CFP: variants seen among roughly 807,000 people sequenced by gnomAD.
CFP encodes properdin.
Under a neutral mutation model 42.1 loss-of-function variants are expected in CFP, and 14 were observed. The ratio of observed to expected loss-of-function variants is 0.33; its 90% CI spans 0.22 to 0.52. The LOEUF (loss-of-function observed/expected upper bound fraction) is 0.52. CFP is among the 20% of genes least tolerant of loss of function. The probability of loss-of-function intolerance (pLI) is 0.96; values close to 1 mark genes in which losing one functional copy is unlikely to be tolerated. For synonymous variants in CFP, 149 were observed against 160.6 expected, an observed-to-expected ratio of 0.93 and a Z score of 0.54; for missense variants, 318 against 400.4, an observed-to-expected ratio of 0.79 and a Z score of 1.76.
In CFP at chrX:47,624,328, G is replaced by A; in HGVS notation, c.1357C>T (p.Arg453Ter). The A allele has an allele frequency of 8.3e-7, 1 of 1,210,432 alleles. No homozygotes were observed. The highest frequency in any genetic ancestry group is 1.1e-6 in the Non-Finnish European group (1 of 895,091). The change falls in exon 9 of 9, where the codon CGA (arginine) becomes TGA (stop). Residue 453 changes from arginine to a stop codon, truncating the protein, a stop_gained. Transcript: ENST00000396992. LOFTEE classifies it high-confidence loss of function. ...QGQKLVVEEK[R>*]PCLHVPACKD... ...CAAGCAGGCACGTGTAGACATGGTC[G>A]TTTCTCCTCCACCACCAGCTTCTGC...
chrX:47,627,317 G>A lies in CFP; in HGVS notation c.590C>T (p.Ala197Val). 1 of 1,197,741 alleles carries A rather than the reference G, an allele frequency of 8.3e-7. No individual in the cohort carries two copies. The highest frequency in any genetic ancestry group is 1.1e-6 in the Non-Finnish European group (1 of 887,023). Residue 197 changes from alanine (A) to valine (V), a missense_variant, in exon 5 of 9, where the codon GCC (alanine) becomes GTC (valine). Transcript: ENST00000396992. ...GCAGGGGGTCCAGGGGCCCCAGGTG[G>A]CCCAGGCCCCGTGTGCTGTGGTGGG... ...QQVCPTHGAW[A>V]TWGPWTPCSA...
rs970674691 is a variant in CFP at position 47,627,250 on chromosome X, T to A, written c.657A>T (p.Thr219=). The A allele has an allele frequency of 1.7e-6, 2 of 1,209,872 alleles. No homozygotes were observed. The highest frequency in any genetic ancestry group is 1.1e-6 in the Non-Finnish European group (1 of 894,785). Residue 219 remains threonine, a synonymous_variant, in exon 5 of 9, where the codon ACA becomes ACT. Coordinates refer to ENST00000396992, the MANE Select transcript of CFP (RefSeq NM_001145252.3). ...CHGGPHEPKE[T]RSRKCSAPEP... The stretch of plus-strand genomic sequence containing the variant: ...CAGGTGCAGAACACTTGCGGCTTCG[T>A]GTCTCCTTAGGTTCGTGGGGTCCAC...
rs1013228436 is a variant in CFP, at chrX:47,624,427, T to A, written c.1258A>T (p.Met420Leu). Reference sequence around the variant, plus strand: ...TTCTTCTCGCCCTGACCTTCGACCATGGAAACGGTGGGCCTGAGGCATTAG... The same window carrying A: ...TTCTTCTCGCCCTGACCTTCGACCAAGGAAACGGTGGGCCTGAGGCATTAG... ...LLPKYPPTVS[M>L]VEGQGEKNVT... The change falls in exon 9 of 9, where the codon ATG becomes TTG. Residue 420 changes from methionine (M) to leucine (L), a missense_variant. Transcript: ENST00000396992. The A allele has an allele frequency of 2.5e-6, 3 of 1,208,293 alleles. No homozygotes were observed. The highest frequency in any genetic ancestry group is 3.4e-6 in the Non-Finnish European group (3 of 894,172).
In CFP at chrX:47,629,663, C is replaced by T. The variant is rs138456565; in HGVS notation, c.88G>A (p.Val30Met). ...TCTTCATACTGGGTGAAGCAGAGCA[C>T]GGGGTCTGAGCCTGTAACAGGGCCA... ...LTLPATGSDP[V>M]LCFTQYEESS... Residue 30 changes from valine to methionine, a missense_variant, in exon 2 of 9, where the codon GTG (valine) becomes ATG (methionine). By Grantham distance (21) the Val-to-Met change is conservative (BLOSUM62 1). Transcript: ENST00000396992. The T allele has an allele frequency of 3.3e-4, 170 of 520,037 alleles. No individual in the cohort carries two copies. Among genetic ancestry groups the T allele is most frequent in the Middle Eastern group, 2.6e-3 (6 of 2,265 alleles). The allele number at this position is 520,037 out of a possible 1,213,427, so 42.9% of individuals were successfully genotyped here.
intron 8 of CFP, chrX:47,624,715 G>A (rs1444461553): frequency 7.7e-6 from 2 of 261,389 alleles, no homozygotes; most frequent in Non-Finnish European, 1.3e-5. Context: ...GAGCCACTGT[G>A]CCTGGCCTCC....
chrX:47,628,427 C>T, intron 2 of CFP, 150 bp from the exon 3 acceptor site: 1 of 565,320 alleles, frequency 1.8e-6, no homozygotes, highest in Non-Finnish European at 3.0e-6. Context: ...TATTGGGATA[C>T]TGATGGGAAG....
At chrX:47,629,486 T>TGCCGGCCCCCCCCCCCCCC in intron 2 of CFP, 38 bp downstream of exon 2, 1 of 669,645 alleles carries the variant, frequency 1.5e-6, no homozygotes, top group South Asian at 2.4e-5. Flanking sequence ...AGACAGTCCT[T>TGCCGGCCCCCCCCCCCCCC]CCCTCCCCCC....
At chrX:47,630,055 T>G, upstream of CFP, 1 of 447,895 alleles carries the variant, frequency 2.2e-6, no homozygotes, top group Admixed American at 3.6e-5. Flanking sequence ...TGTTTGTTAC[T>G]ATATCCCCAG....
intron 8 of CFP, chrX:47,625,076 ATCTC>A (rs1055278504): frequency 9.0e-6 from 1 of 111,171 alleles, no homozygotes; most frequent in African/African-American, 3.3e-5. Flanking sequence ...CCCCAAGCCA[ATCTC>A]TCTCTCTGTC....
chrX:47,628,236 G>T lies in CFP; in HGVS notation c.269C>A (p.Ser90Ter). The change falls in exon 3 of 9, where the codon TCG (serine) becomes TAG (stop). Residue 90 changes from serine (S) to a stop codon, truncating the protein, a stop_gained. Coordinates refer to ENST00000396992, the MANE Select transcript of CFP (RefSeq NM_001145252.3). LOFTEE classifies it high-confidence loss of function. The part of the protein sequence containing the change: ...WSLWSTWAPC[S>*]VTCSEGSQLR... ...CTGGGAGCCCTCAGAGCACGTCACCGAACAGGGGGCCCATGTGGACCACAG... is the reference window on the plus strand; with the variant it reads ...CTGGGAGCCCTCAGAGCACGTCACCTAACAGGGGGCCCATGTGGACCACAG... The T allele has an allele frequency of 8.3e-7, 1 of 1,210,552 alleles. No individual in the cohort carries two copies. Among genetic ancestry groups the T allele is most frequent in the Non-Finnish European group, 1.1e-6 (1 of 894,886 alleles).
chrX:47,629,238 T>C (rs1400209883), intron 2 of CFP: 2 of 339,514 alleles, frequency 5.9e-6, no homozygotes, highest in Non-Finnish European at 1.0e-5. Flanking sequence ...TGCTGACATG[T>C]TTGGTTGTCA....
chrX:47,629,499 T>TCCCCCCCCCCCCC, intron 2 of CFP, 25 bp downstream of exon 2: 1 of 373,018 alleles, frequency 2.7e-6, no homozygotes. Context: ...CTCCCCCCCA[T>TCCCCCCCCCCCCC]CCCCCACCCC....
At chrX:47,628,001 C>G in intron 3 of CFP, 101 bp downstream of exon 3, 3 of 1,015,799 alleles carry the variant, frequency 3.0e-6, no homozygotes, top group Non-Finnish European at 4.1e-6. Context: ...TAGGTCCTTA[C>G]AAACACTGGG....
rs748093605 is a variant in CFP at position 47,623,415 on chromosome X, A to G, written c.*860T>C. The G allele has an allele frequency of 1.8e-5, 2 of 112,375 alleles. No individual in the cohort carries two copies. The highest frequency in any genetic ancestry group is 3.8e-5 in the Non-Finnish European group (2 of 53,296). The allele number at this position is 112,375 out of a possible 1,213,427, so 9.3% of individuals were successfully genotyped here. On this transcript the variant is annotated 3_prime_UTR_variant, in exon 9 of 9. Transcript: ENST00000396992. ...TTGAATAGATGTTCACACGAAAGGA[A>G]TACCTTCTGAGTCTGTTCCCTCACT...
Position 47,629,770 on chromosome X carries a change from T to A in CFP, c.75A>T (p.Thr25=). 8.6e-7 allele frequency: 1 copy of A among 1,169,111 alleles called. No homozygotes were observed. Among genetic ancestry groups the A allele is most frequent in the African/African-American group, 1.8e-5 (1 of 56,390 alleles). The part of the protein sequence containing the change: ...PLLLLLTLPA[T]GSDPVLCFTQ... ...CCAGCTGGGCCCTCACCCCCTCACC[T>A]GTGGCTGGCAGGGTGAGCAGCAGGA... The change falls in exon 1 of 9, where the codon ACA becomes ACT. Residue 25 remains threonine (T), a splice_region_variant and synonymous_variant. Transcript: ENST00000396992.
chrX:47,625,613 A>G (rs1171988720), intron 8 of CFP: 1 of 191,694 alleles, frequency 5.2e-6, no homozygotes, highest in Non-Finnish European at 9.8e-6. Context: ...GGGCTTGCTC[A>G]GCTGGGTCCC....
intron 7 of CFP, 40 bp from the exon 8 acceptor site, chrX:47,626,209 G>T: frequency 8.8e-7 from 1 of 1,134,698 alleles, no homozygotes; most frequent in Non-Finnish European, 1.2e-6. Context: ...AGAACTGGAG[G>T]TCTTGGTGGG....
chrX:47,628,715 G>A (rs1432955275), intron 2 of CFP: 1 of 265,923 alleles, frequency 3.8e-6, no homozygotes, highest in Non-Finnish European at 7.1e-6. Context: ...CATAGCCCTA[G>A]GTATGCTGTT....
In CFP at chrX:47,626,485, G is replaced by T. The variant is rs756621805; in HGVS notation, c.975C>A (p.Ser325Arg). Reference sequence around the variant, plus strand: ...ACTTCATGTTCCGTCGGATACAGGGGCTCCACTCCCCCCACGAGTCCCACT... The same window carrying T: ...ACTTCATGTTCCGTCGGATACAGGGTCTCCACTCCCCCCACGAGTCCCACT... ...DGEWDSWGEW[S>R]PCIRRNMKSI... Residue 325 changes from serine to arginine, a missense_variant, in exon 7 of 9, where the codon AGC becomes AGA. Physicochemically the swap from Ser to Arg is moderately radical, Grantham distance 110. Transcript: ENST00000396992. The T allele has an allele frequency of 3.3e-6, 4 of 1,211,762 alleles. No individual in the cohort carries two copies. Among genetic ancestry groups the T allele is most frequent in the Non-Finnish European group, 4.5e-6 (4 of 895,444 alleles).
Sources: allele counts gnomAD v4.1 joint callset, GRCh38; gene constraint gnomAD v4.1.1; transcripts MANE v1.5; gene names NCBI Gene and HGNC (gene_info 2026-07-23, HGNC 2026-07-21).